Variants in NBEAL2 observed in about 807,000 individuals in gnomAD.
NBEAL2 encodes neurobeachin-like protein 2.
A neutral mutation model predicts 299.8 loss-of-function variants in NBEAL2; 160 were observed. The observed-to-expected ratio is 0.53, with a 90% CI of 0.47 to 0.61. The LOEUF is 0.61. Among genes scored for constraint, NBEAL2 ranks in the 20% least tolerant of loss-of-function variants. The probability of loss-of-function intolerance (pLI) is 0.00; values close to 1 mark genes in which losing one functional copy is unlikely to be tolerated. For missense variants in NBEAL2, 3,112 were observed against 3,649.0 expected (o/e 0.85, Z 3.79); for synonymous variants, 1,493 against 1,542.3 (o/e 0.97, Z 0.75).
At chr3:46,986,047 G>C (rs1474513760) in intron 1 of NBEAL2, among the ~76,000 whole-genome samples, 2 of 152,196 alleles carry the variant, frequency 1.3e-5, no homozygotes, top group African/African-American at 4.8e-5. Flanking sequence ...GTTGGCCTGA[G>C]GTCTTCCAGG....
At position 46,991,923 on chromosome 3, in the gene NBEAL2, A is replaced by T; in HGVS notation, c.1009A>T (p.Thr337Ser). Residue 337 changes from threonine to serine, a missense_variant, in exon 9 of 54, where the codon ACT (threonine) becomes TCT (serine). Physicochemically the swap from Thr to Ser is moderately conservative, Grantham distance 58 (BLOSUM62 1). Coordinates refer to ENST00000450053, the MANE Select transcript of NBEAL2 (RefSeq NM_015175.3). The surrounding 1 kb of genome is among the most constrained non-coding windows in gnomAD (Gnocchi z 6.2). Reference protein sequence around the residue: ...FLSNNCFEHLTRLIQNSKLYL... With the variant: ...FLSNNCFEHLSRLIQNSKLYL... The stretch of plus-strand genomic sequence containing the variant: ...CAGCAACAATTGCTTTGAACACCTC[A>T]CTCGGCTCATTCAGAACAGCAAGGT... 6.2e-7 allele frequency: 1 copy of T among 1,600,784 alleles called. No homozygotes were observed.
rs1272526590 is a variant in NBEAL2, at chr3:47,002,269, G to A, written c.5132G>A (p.Arg1711His). ...GCTTTTTGTGCCACACCCGAATGGC[G>A]CCACTTCATCGACAAACAGGTGCCT... Reference protein sequence around the residue: ...FQAFCATPEWRHFIDKQVQPT... With the variant: ...FQAFCATPEWHHFIDKQVQPT... Residue 1711 changes from arginine (R) to histidine (H), a missense_variant, in exon 31 of 54, where the codon CGC (arginine) becomes CAC (histidine). Arg to His is a conservative substitution (Grantham distance 29). Coordinates refer to ENST00000450053, the MANE Select transcript of NBEAL2 (RefSeq NM_015175.3). The A allele has an allele frequency of 6.4e-7, 1 of 1,564,548 alleles. No individual in the cohort carries two copies. The highest frequency in any genetic ancestry group is 1.4e-5 in the African/African-American group (1 of 73,462).
rs200028828 is a variant in NBEAL2, at chr3:46,995,860, C to T, written c.2031+14C>T. 1.1e-5 allele frequency: 18 copies of T among 1,613,796 alleles called. No homozygotes were observed. In the African/African-American group the frequency reaches 2.1e-4, roughly 19 times the overall value. ...GACTCTGCCTGGGTGAGACCCCATCCTTCTCATGTGGCCCAGTAGAGAGAG... is the reference window on the plus strand; with the variant it reads ...GACTCTGCCTGGGTGAGACCCCATCTTTCTCATGTGGCCCAGTAGAGAGAG... On this transcript the variant is annotated intron_variant, in intron 14 of 53. Coordinates refer to ENST00000450053, the MANE Select transcript of NBEAL2 (RefSeq NM_015175.3).
chr3:47,008,778 G>C, intron 52 of NBEAL2, 110 bp downstream of exon 52: 2 of 1,522,250 alleles, frequency 1.3e-6, no homozygotes, highest in Non-Finnish European at 1.8e-6. Flanking sequence ...CATATTTCAA[G>C]GTTTGTTACC....
Position 47,002,035 on chromosome 3 carries a change from T to C in NBEAL2, c.4898T>C (p.Leu1633Pro). ...SKLEAALGRV[L>P]NTSSLESATD... ...CTGGAGGCTGCACTGGGGCGGGTGC[T>C]GAACACCTCTTCCTTGGAGTCAGCC... The change falls in exon 31 of 54, where the codon CTG (leucine) becomes CCG (proline). Residue 1633 changes from leucine to proline, a missense_variant. Transcript: ENST00000450053. 3 of 1,565,010 alleles carry C rather than the reference T, an allele frequency of 1.9e-6. No homozygotes were observed. Among genetic ancestry groups the C allele is most frequent in the Non-Finnish European group, 2.6e-6 (3 of 1,155,304 alleles).
In NBEAL2 at chr3:47,003,897, G is replaced by C; in HGVS notation, c.5802G>C (p.Val1934=). The C allele has an allele frequency of 6.2e-7, 1 of 1,613,728 alleles. No individual in the cohort carries two copies. The highest frequency in any genetic ancestry group is 1.7e-5 in the Admixed American group (1 of 59,984). ...AECQLVTVVA[V]VPGLLEVTTQ... Reference sequence around the variant, plus strand: ...GCCAGCTGGTGACGGTAGTGGCCGTGGTCCCAGGGCTGCTGGAGGTCACCA... The same window carrying C: ...GCCAGCTGGTGACGGTAGTGGCCGTCGTCCCAGGGCTGCTGGAGGTCACCA... Residue 1934 remains valine (V), a synonymous_variant, in exon 36 of 54, where the codon GTG becomes GTC. Coordinates refer to ENST00000450053, the MANE Select transcript of NBEAL2 (RefSeq NM_015175.3). The surrounding 1 kb of genome is among the most constrained non-coding windows in gnomAD (Gnocchi z 7.0).
chr3:47,002,320 T>TG, intron 31 of NBEAL2, 32 bp downstream of exon 31: 2 of 1,594,914 alleles, frequency 1.3e-6, no homozygotes, highest in Admixed American at 3.4e-5. Context: ...GGAAGAGGAG[T>TG]GGGGGCTGGG....
chr3:47,005,441 C>A, intron 40 of NBEAL2, 48 bp from the exon 41 acceptor site: 1 of 1,595,924 alleles, frequency 6.3e-7, no homozygotes, highest in East Asian at 2.3e-5. Flanking sequence ...ATCTCCCTCC[C>A]TGTCTCCATT....
rs1334409029 is a variant in NBEAL2 at position 47,005,317 on chromosome 3, G to C, written c.6556G>C (p.Gly2186Arg). 6.2e-7 allele frequency: 1 copy of C among 1,611,346 alleles called. No individual in the cohort carries two copies. The highest frequency in any genetic ancestry group is 8.5e-7 in the Non-Finnish European group (1 of 1,179,102). The change falls in exon 40 of 54, where the codon GGC becomes CGC. Residue 2186 changes from glycine (G) to arginine (R), a missense_variant. By Grantham distance (125) the Gly-to-Arg change is moderately radical (BLOSUM62 -2). Transcript: ENST00000450053. Reference sequence around the variant, plus strand: ...CTCCCTGCACGTCCAGCTGCAAAGTGGCCGGTGCGGCCCAGGGGCTGGTGG... The same window carrying C: ...CTCCCTGCACGTCCAGCTGCAAAGTCGCCGGTGCGGCCCAGGGGCTGGTGG... ...FTSLHVQLQS[G>R]RFDCSDRQFH... is the part of the protein sequence containing the mutation.
rs770073394 is a variant in NBEAL2, at chr3:47,001,741, T to C, written c.4697T>C (p.Leu1566Pro). 6.2e-7 allele frequency: 1 copy of C among 1,613,932 alleles called. No individual in the cohort carries two copies. The highest frequency in any genetic ancestry group is 2.2e-5 in the East Asian group (1 of 44,882). The change falls in exon 30 of 54, where the codon CTG (leucine) becomes CCG (proline). Residue 1566 changes from leucine to proline, a missense_variant. Coordinates refer to ENST00000450053, the MANE Select transcript of NBEAL2 (RefSeq NM_015175.3). The surrounding 1 kb of genome is among the most constrained non-coding windows in gnomAD (Gnocchi z 6.1). Reference protein sequence around the residue: ...LLDRLGAWPHLANGTADLREM... With the variant: ...LLDRLGAWPHPANGTADLREM... ...GATCGCCTGGGAGCCTGGCCCCACC[T>C]GGCCAACGGCACAGCTGATCTCCGT...
intron 1 of NBEAL2, chr3:46,987,976 G>A: frequency 7.8e-7 from 1 of 1,276,192 alleles, no homozygotes; most frequent in Non-Finnish European, 1.0e-6. Flanking sequence ...GGCGGGAGGA[G>A]ACATTTCCCG....
In NBEAL2 at chr3:47,001,850, G is replaced by C. The variant is rs760765103; in HGVS notation, c.4782+24G>C. The C allele has an allele frequency of 6.2e-7, 1 of 1,612,336 alleles. No individual in the cohort carries two copies. The highest frequency in any genetic ancestry group is 1.7e-5 in the Admixed American group (1 of 59,998). On this transcript the variant is annotated intron_variant, in intron 30 of 53. Transcript: ENST00000450053. The surrounding 1 kb of genome is among the most constrained non-coding windows in gnomAD (Gnocchi z 6.1). ...AGGTGAGCACAGGGTGAGCATGGGG[G>C]CAGGGGGCGTGTGAGATGTCGGGAG...
At chr3:46,993,244 G>T (rs1436968857) in intron 10 of NBEAL2, among the ~76,000 whole-genome samples, 1 of 152,232 alleles carries the variant, frequency 6.6e-6, no homozygotes, top group Non-Finnish European at 1.5e-5. Flanking sequence ...AGGCCTGGAG[G>T]GGGAGGACTG....
Position 47,000,992 on chromosome 3 carries a change from T to C in NBEAL2, c.4306-9T>C. On this transcript the variant is annotated splice_polypyrimidine_tract_variant and intron_variant, in intron 27 of 53. Transcript: ENST00000450053. The surrounding 1 kb of genome is among the most constrained non-coding windows in gnomAD (Gnocchi z 4.5). ...AACCCACGCCCACACCACCCACCTG[T>C]GCCCACAGCAAACCTCTGAGGAAGA... is the stretch of plus-strand genomic sequence containing the variant. 6.3e-7 allele frequency: 1 copy of C among 1,597,440 alleles called. No homozygotes were observed. The highest frequency in any genetic ancestry group is 8.5e-7 in the Non-Finnish European group (1 of 1,172,232).
rs1210252710 is a variant in NBEAL2, at chr3:46,995,389, G to A, written c.1654G>A (p.Ala552Thr). The A allele has an allele frequency of 6.2e-7, 1 of 1,612,724 alleles. No homozygotes were observed. The highest frequency in any genetic ancestry group is 8.5e-7 in the Non-Finnish European group (1 of 1,179,852). ...GGACTCGGAACCAGGCGGAGCTGAG[G>A]CTGGAAAGGCCCGACACGCAGGTGC... The part of the protein sequence containing the change: ...GLDSEPGGAE[A>T]GKARHAGAVI... The change falls in exon 13 of 54, where the codon GCT becomes ACT. Residue 552 changes from alanine to threonine, a missense_variant. Ala to Thr is a moderately conservative substitution (Grantham distance 58). Around this residue, in one of 3 missense-constraint regions of NBEAL2, gnomAD observed 2,243 missense variants for 2,538.1 expected, o/e 0.88. Coordinates refer to ENST00000450053, the MANE Select transcript of NBEAL2 (RefSeq NM_015175.3).
At chr3:46,996,869 T>G in intron 17 of NBEAL2, 36 bp downstream of exon 17, 1 of 1,610,420 alleles carries the variant, frequency 6.2e-7, no homozygotes, top group Non-Finnish European at 8.5e-7. Context: ...TTGGCTCGAC[T>G]GTGCTACTTC....
chr3:46,999,743 G>A, intron 26 of NBEAL2, 28 bp downstream of exon 26: 1 of 1,604,378 alleles, frequency 6.2e-7, no homozygotes, highest in Non-Finnish European at 8.5e-7. Context: ...AAGCTTTGGG[G>A]GAGGGGGAGG....
In NBEAL2 at chr3:47,007,776, G is replaced by C. The variant is rs763771127; in HGVS notation, c.7508-40G>C. 4 of 1,609,108 alleles carry C rather than the reference G, an allele frequency of 2.5e-6. No individual in the cohort carries two copies. The East Asian group carries it at 8.9e-5, about 36-fold the overall frequency. ...TTCTGAGGCTGGCCAGGGCGGATGT[G>C]ACTCCTCCGTTCTGCCTGTACCCTC... On this transcript the variant is annotated intron_variant, in intron 48 of 53. Transcript: ENST00000450053.
intron 1 of NBEAL2, 65 bp downstream of exon 1, chr3:46,979,977 G>C (rs1026849853): frequency 4.3e-6 from 1 of 230,992 alleles, no homozygotes; most frequent in South Asian, 1.6e-4. Context: ...CGCGCCCCGC[G>C]CCTGCTGCAC....
Sources: gnomAD v4.1 joint callset for allele counts (sites outside exome capture counted in the v4.1 genomes callset) on GRCh38, gnomAD v4.1.1 for gene constraint, gnomAD v4.1.1 regional missense constraint, Gnocchi (gnomAD v3.1) non-coding constraint, MANE v1.5 for transcripts, NCBI Gene and HGNC (gene_info 2026-07-23, HGNC 2026-07-21) for gene names.